The following EEF2K variants were observed in gnomAD, a reference collection of about 807,000 sequenced individuals.
EEF2K encodes the protein alternative protein EEF2K.
A neutral mutation model predicts 93.8 loss-of-function variants in EEF2K; 70 were observed. That is an observed-to-expected ratio of 0.75 (90% CI 0.62 to 0.91). EEF2K has a LOEUF of 0.91. EEF2K is among the 40% of genes least tolerant of loss of function. The pLI is 0.00. For missense variants in EEF2K, 935 were observed against 972.9 expected (o/e 0.96, Z 0.52); for synonymous variants, 376 against 380.8 (o/e 0.99, Z 0.15).
rs192703704 is a variant in EEF2K at position 22,259,903 on chromosome 16, C to T, written c.1232-559C>T. Among the ~76,000 whole-genome samples the T allele has an allele frequency of 4.4e-3, 665 of 152,206 alleles. 4 individuals carry two copies. The highest frequency in any genetic ancestry group is 6.8e-3 in the Middle Eastern group (2 of 294). On this transcript the variant is annotated intron_variant, in intron 10 of 17. Coordinates refer to ENST00000263026, the MANE Select transcript of EEF2K (RefSeq NM_013302.5). The stretch of plus-strand genomic sequence containing the variant: ...AAGTAGCTGGGATTACAGGTGCATG[C>T]CACCATACCCAGCTAATTTTTGTAT...
At chr16:22,211,680 C>G (rs2046915631) in intron 1 of EEF2K, among the ~76,000 whole-genome samples, 2 of 152,076 alleles carry the variant, frequency 1.3e-5, no homozygotes, top group Admixed American at 1.3e-4. Context: ...CCAGGCTGGT[C>G]TCGAACTCCT....
At chr16:22,212,862 T>A (rs1243642810) in intron 1 of EEF2K, among the ~76,000 whole-genome samples, 4 of 152,040 alleles carry the variant, frequency 2.6e-5, no homozygotes, top group Non-Finnish European at 5.9e-5. Context: ...TAGTCCCAGC[T>A]ACTCAGGAGG....
At chr16:22,280,452 G>GTTAT (rs547176225) in intron 17 of EEF2K, 76 bp downstream of exon 17, 477 of 1,328,872 alleles carry the variant, frequency 3.6e-4, no homozygotes, top group Non-Finnish European at 4.4e-4. Context: ...TCCACTGGGA[G>GTTAT]TTATTTATGA....
chr16:22,237,494 C>G (rs937898081), intron 2 of EEF2K, among the ~76,000 whole-genome samples: 4 of 151,774 alleles, frequency 2.6e-5, no homozygotes, highest in East Asian at 2.0e-4. Context: ...AAAAATTAGC[C>G]AGGCGTGGTG....
chr16:22,258,750 A>G (rs754415093), intron 10 of EEF2K, 55 bp downstream of exon 10: 1 of 1,592,214 alleles, frequency 6.3e-7, no homozygotes, highest in Non-Finnish European at 8.6e-7. Flanking sequence ...GGTGGAGCAG[A>G]GCTAAACCAG....
chr16:22,237,449 G>A (rs117335014), intron 2 of EEF2K, among the ~76,000 whole-genome samples: 5,868 of 151,532 alleles, frequency 0.039, 166 homozygotes, highest in Non-Finnish European at 0.059. Context: ...ACCAGCCTGG[G>A]CAACATGGTG....
intron 10 of EEF2K, 77 bp from the exon 11 acceptor site, chr16:22,260,385 C>T (rs373092501): frequency 1.6e-4 from 245 of 1,505,412 alleles, no homozygotes; most frequent in Middle Eastern, 7.0e-4. Context: ...AGGTATGGAC[C>T]GCCCTAGGCC....
intron 11 of EEF2K, among the ~76,000 whole-genome samples, chr16:22,261,304 G>T (rs1008596951): frequency 6.6e-6 from 1 of 152,066 alleles, no homozygotes; most frequent in Admixed American, 6.6e-5. Flanking sequence ...GAGCCTGGGA[G>T]GCAGAGGCTG....
rs1162362551 is a variant in EEF2K, at chr16:22,274,461, AG to A, written c.1889+712del. Among the ~76,000 whole-genome samples, 21 of 150,816 alleles carry A rather than the reference AG, an allele frequency of 1.4e-4. 1 individual carries two copies. In the East Asian group the frequency reaches 1.9e-3, roughly 14 times the overall value. On this transcript the variant is annotated intron_variant, in intron 16 of 17. Coordinates refer to ENST00000263026, the MANE Select transcript of EEF2K (RefSeq NM_013302.5). ...TCCCTCTCAAAAAAAAAAAAAAAAA[AG>A]ATAAAAGTCATGTGATACGAGGCAG...
Position 22,284,817 on chromosome 16 carries a change from A to G in EEF2K, c.*821A>G, listed in dbSNP as rs1399519036. 6.6e-6 allele frequency: 1 copy of G among 152,118 alleles called. No homozygotes were observed. Among genetic ancestry groups the G allele is most frequent in the Non-Finnish European group, 1.5e-5 (1 of 68,006 alleles). 9.4% of individuals were successfully genotyped at this position (152,118 alleles called of 1,614,324 possible). On this transcript the variant is annotated 3_prime_UTR_variant, in exon 18 of 18. Coordinates refer to ENST00000263026, the MANE Select transcript of EEF2K (RefSeq NM_013302.5). The stretch of plus-strand genomic sequence containing the variant: ...GTATTGCCGTGGCTTAGTGCAAAGC[A>G]TTCTTTCTCAGAGCATTTAGAGGCA...
intron 6 of EEF2K, among the ~76,000 whole-genome samples, chr16:22,254,975 G>A (rs2047385734): frequency 6.6e-6 from 1 of 152,170 alleles, no homozygotes; most frequent in Non-Finnish European, 1.5e-5. Context: ...AGAGGCTGAG[G>A]CAGAGGAATT....
At position 22,283,994 on chromosome 16, in the gene EEF2K, TAACCAGG is replaced by T. The variant is rs1356306173; in HGVS notation, c.*1_*7del. ...AGAGGCCTGGGCCCAGATGGAGGAG[TAACCAGG>T]AAAATCACTGCCGGCTAGTCCCAAG... On this transcript the variant is annotated stop_retained_variant and 3_prime_UTR_variant, in exon 18 of 18. Coordinates refer to ENST00000263026, the MANE Select transcript of EEF2K (RefSeq NM_013302.5). 1.3e-6 allele frequency: 2 copies of T among 1,571,642 alleles called. No individual in the cohort carries two copies. Among genetic ancestry groups the T allele is most frequent in the Non-Finnish European group, 1.7e-6 (2 of 1,158,012 alleles).
chr16:22,258,689 C>T lies in EEF2K; in HGVS notation c.1225C>T (p.His409Tyr). 1 of 1,614,152 alleles carries T rather than the reference C, an allele frequency of 6.2e-7. No individual in the cohort carries two copies. Among genetic ancestry groups the T allele is most frequent in the Non-Finnish European group, 8.5e-7 (1 of 1,180,040 alleles). The change falls in exon 10 of 18, where the codon CAC becomes TAC. Residue 409 changes from histidine to tyrosine, a missense_variant. By Grantham distance (83) the His-to-Tyr change is moderately conservative. Coordinates refer to ENST00000263026, the MANE Select transcript of EEF2K (RefSeq NM_013302.5). ...SATPHSQKLD[H>Y]LHWPVFSDLD... is the part of the protein sequence containing the mutation. ...CACACCACACAGCCAGAAGCTAGAC[C>T]ACCTCCGTGAGTGACGGTTCGGTCC...
At chr16:22,212,749 T>G (rs1427892455) in intron 1 of EEF2K, among the ~76,000 whole-genome samples, 9 of 152,044 alleles carry the variant, frequency 5.9e-5, no homozygotes, top group Non-Finnish European at 1.3e-4. Context: ...ATTCCAACAC[T>G]TTGGGAGGCT....
chr16:22,241,636 CAAAAAAAAAA>C (rs71151666), intron 2 of EEF2K, among the ~76,000 whole-genome samples: 3 of 49,182 alleles, frequency 6.1e-5, no homozygotes, highest in African/African-American at 1.7e-4. Flanking sequence ...GAGACTGTCT[CAAAAAAAAAA>C]AAAAAAAAAA....
chr16:22,242,875 C>T (rs1056327864), intron 2 of EEF2K, among the ~76,000 whole-genome samples: 3 of 151,870 alleles, frequency 2.0e-5, no homozygotes, highest in South Asian at 2.1e-4. Flanking sequence ...GTGGGAGGAT[C>T]GCTTGAAGTT....
chr16:22,264,830 A>G lies in EEF2K; in HGVS notation c.1390A>G (p.Ser464Gly). Residue 464 changes from serine to glycine, a missense_variant, in exon 13 of 18, where the codon AGT (serine) becomes GGT (glycine). Physicochemically the swap from Ser to Gly is moderately conservative, Grantham distance 56. Transcript: ENST00000263026. ...TTCCTCCGTTCAGGGCCACTCATAC[A>G]GTAATCGGAAGTACGAGTCTGACGA... ...PEPREHGHSYSNRKYESDEDS... is the reference protein window; with the variant it reads ...PEPREHGHSYGNRKYESDEDS... 4 of 1,613,962 alleles carry G rather than the reference A, an allele frequency of 2.5e-6. No individual in the cohort carries two copies. The highest frequency in any genetic ancestry group is 3.4e-6 in the Non-Finnish European group (4 of 1,179,918).
intron 15 of EEF2K, among the ~76,000 whole-genome samples, chr16:22,271,719 G>GA (rs1452057611): frequency 6.6e-6 from 1 of 151,498 alleles, no homozygotes; most frequent in Non-Finnish European, 1.5e-5. Flanking sequence ...AAAAAAACAA[G>GA]AAAAAATAAT....
intron 1 of EEF2K, among the ~76,000 whole-genome samples, chr16:22,220,049 T>C (rs1567260422): frequency 6.6e-6 from 1 of 152,086 alleles, no homozygotes; most frequent in African/African-American, 2.4e-5. Context: ...TGCAAAGGAG[T>C]CTGGGAAATG....
Sources: allele counts gnomAD v4.1 joint callset (sites outside exome capture counted in the v4.1 genomes callset), GRCh38; gene constraint gnomAD v4.1.1; transcripts MANE v1.5; gene names NCBI Gene and HGNC (gene_info 2026-07-23, HGNC 2026-07-21).